Variants in CRPPA observed in about 807,000 individuals in gnomAD.
The protein encoded by CRPPA is D-ribitol-5-phosphate cytidylyltransferase.
In CRPPA, 43 loss-of-function variants were observed where a neutral mutation model predicts 52.0. The observed-to-expected ratio is 0.83, with a 90% CI of 0.65 to 1.07. The LOEUF (loss-of-function observed/expected upper bound fraction) is 1.07, where lower values mean the gene tolerates loss of function less well. Ranked by LOEUF, CRPPA falls within the 50% of genes least tolerant of loss-of-function variation. CRPPA has a pLI of 0.00. For synonymous variants in CRPPA, 250 were observed against 203.5 expected, an observed-to-expected ratio of 1.23 and a Z score of -1.94; for missense variants, 629 against 551.7, an observed-to-expected ratio of 1.14 and a Z score of -1.40.
chr7:16,281,174 C>A (rs892411788), intron 5 of CRPPA, among the ~76,000 whole-genome samples: 3 of 152,168 alleles, frequency 2.0e-5, no homozygotes, highest in Admixed American at 1.3e-4. Flanking sequence ...GAAATGACAT[C>A]TTTAAAATAA....
At position 16,301,573 on chromosome 7, in the gene CRPPA, T is replaced by C. The variant is rs901538184; in HGVS notation, c.790-107A>G. The C allele has an allele frequency of 7.4e-6, 5 of 672,454 alleles. No homozygotes were observed. The East Asian group carries it at 1.1e-4, about 15-fold the overall frequency. 41.7% of individuals were successfully genotyped at this position (672,454 alleles called of 1,614,324 possible). On this transcript the variant is annotated intron_variant, in intron 4 of 9. Coordinates refer to ENST00000407010, the MANE Select transcript of CRPPA (RefSeq NM_001101426.4). ...CTTGATTTTTCAGAAGCTATAAACA[T>C]GTAATACTGACATTTTCTCAATTAG...
At chr7:16,291,716 A>G (rs1407146642) in intron 5 of CRPPA, among the ~76,000 whole-genome samples, 5 of 151,882 alleles carry the variant, frequency 3.3e-5, no homozygotes. Context: ...CATATTTTAC[A>G]ATAGCTAAAA....
At chr7:16,338,159 C>A (rs1165037937) in intron 3 of CRPPA, among the ~76,000 whole-genome samples, 1 of 151,994 alleles carries the variant, frequency 6.6e-6, no homozygotes, top group Non-Finnish European at 1.5e-5. Context: ...ATTAGCAAAC[C>A]AAATTAAAAA....
chr7:16,399,682 G>C (rs1056366664), intron 2 of CRPPA, among the ~76,000 whole-genome samples: 1 of 152,060 alleles, frequency 6.6e-6, no homozygotes, highest in African/African-American at 2.4e-5. Flanking sequence ...CGCATGACCA[G>C]TGACACGTGA....
intron 2 of CRPPA, among the ~76,000 whole-genome samples, chr7:16,394,313 T>C (rs184750519): frequency 3.1e-4 from 47 of 152,336 alleles, no homozygotes; most frequent in Middle Eastern, 3.4e-3. Context: ...AGTAGACTTA[T>C]ATGAATACAT....
At chr7:16,123,624 T>C (rs1287311161) in intron 9 of CRPPA, among the ~76,000 whole-genome samples, 1 of 152,116 alleles carries the variant, frequency 6.6e-6, no homozygotes, top group Non-Finnish European at 1.5e-5. Context: ...CTCTAAGATA[T>C]GGGTTGTATG....
At chr7:16,303,337 T>C (rs1481464377) in intron 4 of CRPPA, among the ~76,000 whole-genome samples, 2 of 152,176 alleles carry the variant, frequency 1.3e-5, no homozygotes, top group Admixed American at 1.3e-4. Flanking sequence ...ACAAAGTTTC[T>C]GTACAAATCT....
chr7:16,382,351 T>C lies in CRPPA; in HGVS notation c.535-6110A>G, dbSNP rs375588033. On this transcript the variant is annotated intron_variant, in intron 2 of 9. Coordinates refer to ENST00000407010, the MANE Select transcript of CRPPA (RefSeq NM_001101426.4). ...CTCTTCTGGCTTGTAGAGTTTCTGC[T>C]GAGAGATCCACTGTTAGTCTGATGG... 1.3e-3 allele frequency among the ~76,000 whole-genome samples: 199 copies of C among 152,378 alleles called. 2 individuals carry two copies. The East Asian group carries it at 0.035, about 27-fold the overall frequency.
intron 3 of CRPPA, among the ~76,000 whole-genome samples, chr7:16,364,472 T>G (rs1300596948): frequency 6.6e-6 from 1 of 152,160 alleles, no homozygotes; most frequent in African/African-American, 2.4e-5. Context: ...GAGTCCTGAT[T>G]GAGAAGGAAA....
intron 3 of CRPPA, among the ~76,000 whole-genome samples, chr7:16,372,375 G>A (rs940888746): frequency 6.6e-6 from 1 of 152,170 alleles, no homozygotes; most frequent in African/African-American, 2.4e-5. Flanking sequence ...ACATGCCAGA[G>A]GGATTGGGGT....
intron 2 of CRPPA, among the ~76,000 whole-genome samples, chr7:16,396,180 G>A (rs1787563866): frequency 6.6e-6 from 1 of 152,140 alleles, no homozygotes; most frequent in South Asian, 2.1e-4. Flanking sequence ...TCCCCATGCA[G>A]AAGCCAGGAA....
intron 3 of CRPPA, among the ~76,000 whole-genome samples, chr7:16,340,892 T>A (rs1021515409): frequency 6.6e-6 from 1 of 152,162 alleles, no homozygotes; most frequent in Non-Finnish European, 1.5e-5. Flanking sequence ...GAAACTATGG[T>A]ACATCCAGAG....
At position 16,421,287 on chromosome 7, in the gene CRPPA, C is replaced by T; in HGVS notation, c.36G>A (p.Ala12=). The change falls in exon 1 of 10, where the codon GCG becomes GCA. Residue 12 remains alanine, a synonymous_variant. Coordinates refer to ENST00000407010, the MANE Select transcript of CRPPA (RefSeq NM_001101426.4). ...EAGPPGSARP[A]EPGPCLSGQR... is the part of the protein sequence containing the mutation. ...GACCACTCAGGCAAGGACCCGGCTCCGCCGGCCTGGCGCTGCCCGGCGGCC... is the reference window on the plus strand; with the variant it reads ...GACCACTCAGGCAAGGACCCGGCTCTGCCGGCCTGGCGCTGCCCGGCGGCC... 3 of 1,275,184 alleles carry T rather than the reference C, an allele frequency of 2.4e-6. No individual in the cohort carries two copies. Among genetic ancestry groups the T allele is most frequent in the Non-Finnish European group, 2.0e-6 (2 of 1,005,222 alleles). The allele number at this position is 1,275,184 out of a possible 1,614,324, so 79.0% of individuals were successfully genotyped here.
chr7:16,107,194 A>C (rs541578439), intron 9 of CRPPA, among the ~76,000 whole-genome samples: 14 of 152,274 alleles, frequency 9.2e-5, no homozygotes, highest in African/African-American at 3.4e-4. Context: ...GCCAAAAAAA[A>C]ACAAAAACAT....
intron 9 of CRPPA, among the ~76,000 whole-genome samples, chr7:16,206,574 T>TA (rs1262147664): frequency 1.3e-5 from 2 of 151,992 alleles, no homozygotes; most frequent in East Asian, 3.9e-4. Flanking sequence ...AACCTTTTTT[T>TA]AAAAAAGAAC....
At chr7:16,397,519 T>C (rs114965275) in intron 2 of CRPPA, among the ~76,000 whole-genome samples, 1 of 151,630 alleles carries the variant, frequency 6.6e-6, no homozygotes, top group African/African-American at 2.4e-5. Flanking sequence ...TGTGAACATG[T>C]GACATGATCA....
chr7:16,209,187 G>A, intron 9 of CRPPA: 1 of 323,648 alleles, frequency 3.1e-6, no homozygotes, highest in Non-Finnish European at 6.0e-6. Context: ...GCAGATCTAA[G>A]AGAATGCTAG....
At chr7:16,174,450 G>T (rs932510096) in intron 9 of CRPPA, among the ~76,000 whole-genome samples, 2 of 152,134 alleles carry the variant, frequency 1.3e-5, no homozygotes, top group Non-Finnish European at 2.9e-5. Context: ...AATAAAACTC[G>T]TTAGAGAAAT....
At chr7:16,272,945 A>C (rs1784121356) in intron 6 of CRPPA, among the ~76,000 whole-genome samples, 1 of 149,778 alleles carries the variant, frequency 6.7e-6, no homozygotes, top group South Asian at 2.1e-4. Context: ...GTCTATTCAT[A>C]TCCTTTGTCG....
Sources: allele counts gnomAD v4.1 joint callset (sites outside exome capture counted in the v4.1 genomes callset), GRCh38; gene constraint gnomAD v4.1.1; transcripts MANE v1.5; gene names NCBI Gene and HGNC (gene_info 2026-07-23, HGNC 2026-07-21).